PKHD1: variants seen among roughly 807,000 people sequenced by gnomAD.
PKHD1 encodes the protein fibrocystin.
Under a neutral mutation model 412.0 loss-of-function variants are expected in PKHD1, and 291 were observed. The ratio of observed to expected loss-of-function variants is 0.71; its 90% CI spans 0.64 to 0.78. PKHD1 has a LOEUF of 0.78. Among genes scored for constraint, PKHD1 ranks in the 30% least tolerant of loss-of-function variants. The pLI, the probability that PKHD1 is intolerant of heterozygous loss-of-function variation, is 0.00. For missense variants in PKHD1, 4,825 were observed against 4,950.7 expected, an observed-to-expected ratio of 0.97 and a Z score of 0.76; for synonymous variants, 1,777 against 1,821.5, an observed-to-expected ratio of 0.98 and a Z score of 0.62.
chr6:51,902,966 T>G (rs1327313438), intron 43 of PKHD1, among the ~76,000 whole-genome samples: 1 of 152,076 alleles, frequency 6.6e-6, no homozygotes, highest in African/African-American at 2.4e-5. Flanking sequence ...AAGGACAAAA[T>G]ATGGCCACAT....
chr6:51,941,050 T>G (rs902215440), intron 36 of PKHD1, among the ~76,000 whole-genome samples: 2 of 150,840 alleles, frequency 1.3e-5, no homozygotes, highest in Non-Finnish European at 3.0e-5. Context: ...ATCCTCCTCT[T>G]GTATCCCCCC....
intron 34 of PKHD1, among the ~76,000 whole-genome samples, chr6:52,013,065 A>G (rs1800002520): frequency 6.6e-6 from 1 of 152,170 alleles, no homozygotes; most frequent in Non-Finnish European, 1.5e-5. Context: ...GTCCTCAATC[A>G]TAAGAGTGAG....
chr6:51,957,229 C>T (rs1791286148), intron 36 of PKHD1, among the ~76,000 whole-genome samples: 1 of 152,014 alleles, frequency 6.6e-6, no homozygotes, highest in South Asian at 2.1e-4. Context: ...GAAAATGTTG[C>T]TATTACATTT....
At chr6:51,883,853 A>T (rs2127543868) in intron 45 of PKHD1, among the ~76,000 whole-genome samples, 2 of 152,248 alleles carry the variant, frequency 1.3e-5, no homozygotes, top group Middle Eastern at 6.8e-3. Context: ...TTATGAATGG[A>T]TTAGTGCTGA....
At chr6:51,644,030 A>G (rs1039009156) in intron 63 of PKHD1, among the ~76,000 whole-genome samples, 1 of 152,210 alleles carries the variant, frequency 6.6e-6, no homozygotes, top group Non-Finnish European at 1.5e-5. Context: ...ATAAAACAAT[A>G]AGACGAAGCA....
chr6:51,658,125 T>A (rs555241677), intron 61 of PKHD1, among the ~76,000 whole-genome samples: 6 of 152,094 alleles, frequency 3.9e-5, no homozygotes, highest in Non-Finnish European at 8.8e-5. Context: ...GTCACTAACA[T>A]GGTGAAGGTT....
chr6:51,703,292 A>C (rs1478986973), intron 60 of PKHD1, among the ~76,000 whole-genome samples: 4 of 151,966 alleles, frequency 2.6e-5, no homozygotes, highest in Non-Finnish European at 4.4e-5. Context: ...TTATATATTA[A>C]TAGCTTTATA....
intron 35 of PKHD1, among the ~76,000 whole-genome samples, chr6:51,986,102 T>A (rs918589788): frequency 1.3e-5 from 2 of 152,164 alleles, no homozygotes; most frequent in African/African-American, 4.8e-5. Context: ...GCTATGGGGA[T>A]CTGTGTAGTT....
rs1270836065 is a variant in PKHD1, at chr6:51,808,244, TG to T, written c.8303-16872del. Among the ~76,000 whole-genome samples the T allele has an allele frequency of 3.9e-5, 6 of 152,216 alleles. No homozygotes were observed. In the East Asian group the frequency reaches 1.2e-3, roughly 29 times the overall value. ...AGTGAATAAAAATAAATGTAGTGTG[TG>T]TTTTTTTTAATTTTTGCATATGCAG... On this transcript the variant is annotated intron_variant, in intron 52 of 66. Coordinates refer to ENST00000371117, the MANE Select transcript of PKHD1 (RefSeq NM_138694.4).
In PKHD1 at chr6:52,017,484, T is replaced by C. The variant is rs989019602; in HGVS notation, c.5526A>G (p.Glu1842=). Residue 1842 remains glutamate, a synonymous_variant, in exon 34 of 67, where the codon GAA becomes GAG. Coordinates refer to ENST00000371117, the MANE Select transcript of PKHD1 (RefSeq NM_138694.4). Reference sequence around the variant, plus strand: ...CTGGCACAAAGAGGCATTGGGAACTTTCCTCGCAAATGTAGAGGTAAGGCC... The same window carrying C: ...CTGGCACAAAGAGGCATTGGGAACTCTCCTCGCAAATGTAGAGGTAAGGCC... ...ESWPYLYICE[E]SSQCLFVPDH... The C allele has an allele frequency of 8.1e-6, 13 of 1,614,182 alleles. No individual in the cohort carries two copies. Among genetic ancestry groups the C allele is most frequent in the Non-Finnish European group, 1.1e-5 (13 of 1,179,982 alleles).
chr6:51,805,697 A>T (rs1339232328), intron 52 of PKHD1, among the ~76,000 whole-genome samples: 1 of 152,160 alleles, frequency 6.6e-6, no homozygotes, highest in Non-Finnish European at 1.5e-5. Context: ...AATGAAAGTA[A>T]GCCACTAAGG....
Position 51,748,268 on chromosome 6 carries a change from C to A in PKHD1, c.9348G>T (p.Leu3116=), listed in dbSNP as rs769921100. 1.2e-6 allele frequency: 2 copies of A among 1,614,058 alleles called. No individual in the cohort carries two copies. The highest frequency in any genetic ancestry group is 1.7e-6 in the Non-Finnish European group (2 of 1,179,968). The stretch of plus-strand genomic sequence containing the variant: ...AATGCGCCACATTGTCAGACCAAAG[C>A]AGTTCACAAGAGGAGCACTTGTGGC... The part of the protein sequence containing the change: ...IRGHKCSSCE[L]LWSDNVAHSS... The change falls in exon 58 of 67, where the codon CTG becomes CTT. Residue 3116 remains leucine, a synonymous_variant. Transcript: ENST00000371117.
intron 60 of PKHD1, among the ~76,000 whole-genome samples, chr6:51,742,364 A>G (rs80125446): frequency 6.6e-6 from 1 of 152,220 alleles, no homozygotes; most frequent in African/African-American, 2.4e-5. Flanking sequence ...CATAAAATAA[A>G]TGTTAAAAAG....
chr6:51,701,947 T>A (rs942002092), intron 60 of PKHD1, among the ~76,000 whole-genome samples: 26 of 151,348 alleles, frequency 1.7e-4, no homozygotes, highest in South Asian at 4.2e-4. Flanking sequence ...AAAAATTATA[T>A]CATATTAATC....
At chr6:51,786,920 A>T (rs1792960482) in intron 53 of PKHD1, among the ~76,000 whole-genome samples, 1 of 152,244 alleles carries the variant, frequency 6.6e-6, no homozygotes, top group Admixed American at 6.5e-5. Flanking sequence ...CACTGAACGA[A>T]GAATGAAATT....
At chr6:51,787,468 A>G (rs983654558) in intron 53 of PKHD1, among the ~76,000 whole-genome samples, 3 of 152,074 alleles carry the variant, frequency 2.0e-5, no homozygotes, top group South Asian at 4.1e-4. Context: ...CTCTGTGCCA[A>G]TGTCCAAATC....
Position 51,880,779 on chromosome 6 carries a change from TAAAAAAAA to T in PKHD1, c.7350+2306_7350+2313del, listed in dbSNP as rs71544105. Reference sequence around the variant, plus strand: ...CTTAGAGTATAATAAAAAAAAAAATTAAAAAAAAAAAAAAAAAAAAAAAAAAAACACAA... The same window carrying T: ...CTTAGAGTATAATAAAAAAAAAAATTAAAAAAAAAAAAAAAAAAAACACAA... On this transcript the variant is annotated intron_variant, in intron 46 of 66. Coordinates refer to ENST00000371117, the MANE Select transcript of PKHD1 (RefSeq NM_138694.4). Among the ~76,000 whole-genome samples, 14 of 30,042 alleles carry T rather than the reference TAAAAAAAA, an allele frequency of 4.7e-4. 1 individual carries two copies. Among genetic ancestry groups the T allele is most frequent in the African/African-American group, 1.4e-3 (7 of 4,928 alleles). 19.7% of individuals were successfully genotyped at this position (30,042 alleles called of 152,430 possible).
chr6:51,912,241 A>C, intron 38 of PKHD1, 125 bp downstream of exon 38: 1 of 762,246 alleles, frequency 1.3e-6, no homozygotes, highest in African/African-American at 1.7e-5. Flanking sequence ...TCTTGTCAAA[A>C]TGTCTACCAT....
At chr6:51,855,542 G>A (rs1773139400) in intron 49 of PKHD1, among the ~76,000 whole-genome samples, 1 of 152,000 alleles carries the variant, frequency 6.6e-6, no homozygotes, top group African/African-American at 2.4e-5. Flanking sequence ...TTCTCTCTAG[G>A]GTAAATTGGC....
Sources: allele counts gnomAD v4.1 joint callset (sites outside exome capture counted in the v4.1 genomes callset), GRCh38; gene constraint gnomAD v4.1.1; transcripts MANE v1.5; gene names NCBI Gene and HGNC (gene_info 2026-07-23, HGNC 2026-07-21).